CBFA2T2: variants seen among roughly 807,000 people sequenced by gnomAD.
CBFA2T2 encodes the protein protein CBFA2T2.
Under a neutral mutation model 62.2 loss-of-function variants are expected in CBFA2T2, and 11 were observed. That is an observed-to-expected ratio of 0.18 (90% confidence interval 0.11 to 0.29). CBFA2T2 has a LOEUF of 0.29. Among genes scored for constraint, CBFA2T2 ranks in the 10% least tolerant of loss-of-function variants. CBFA2T2 has a pLI of 1.00. For synonymous variants in CBFA2T2, 295 were observed against 287.5 expected, an observed-to-expected ratio of 1.03 and a Z score of -0.27; for missense variants, 592 against 774.1, an observed-to-expected ratio of 0.76 and a Z score of 2.79.
intron 1 of CBFA2T2, among the ~76,000 whole-genome samples, chr20:33,569,156 GC>G (rs891729170): frequency 3.2e-4 from 49 of 152,270 alleles, no homozygotes; most frequent in African/African-American, 1.1e-3. Flanking sequence ...GTGGCCCAGT[GC>G]CCCTAGGGTG....
At chr20:33,592,770 G>A (rs1170949802) in intron 1 of CBFA2T2, among the ~76,000 whole-genome samples, 2 of 151,884 alleles carry the variant, frequency 1.3e-5, no homozygotes, top group Admixed American at 6.6e-5. Flanking sequence ...TTATATGAAT[G>A]GGTCACTGCC....
intron 1 of CBFA2T2, among the ~76,000 whole-genome samples, chr20:33,517,450 G>GT (rs773285489): frequency 0.027 from 3,520 of 129,016 alleles, 108 homozygotes; most frequent in Middle Eastern, 0.045. Flanking sequence ...GGTTTTTTTG[G>GT]TGTTTTTTTT....
Position 33,611,136 on chromosome 20 carries a change from C to T in CBFA2T2, c.221C>T (p.Ala74Val), listed in dbSNP as rs1472300620. Residue 74 changes from alanine to valine, a missense_variant, in exon 3 of 11, where the codon GCC (alanine) becomes GTC (valine). By Grantham distance (64) the Ala-to-Val change is moderately conservative. Coordinates refer to ENST00000342704, the MANE Select transcript of CBFA2T2 (RefSeq NM_001032999.3). ...INHSPPTLNG[A>V]PSPPQRFSNG... Reference sequence around the variant, plus strand: ...CATTCTCCTCCTACCCTGAATGGTGCCCCATCACCGCCACAGAGATTCAGC... The same window carrying T: ...CATTCTCCTCCTACCCTGAATGGTGTCCCATCACCGCCACAGAGATTCAGC... 3 of 1,614,100 alleles carry T rather than the reference C, an allele frequency of 1.9e-6. No homozygotes were observed. Among genetic ancestry groups the T allele is most frequent in the Non-Finnish European group, 2.5e-6 (3 of 1,179,932 alleles).
At chr20:33,497,345 T>A (rs554324646) in intron 1 of CBFA2T2, among the ~76,000 whole-genome samples, 1 of 149,346 alleles carries the variant, frequency 6.7e-6, no homozygotes, top group Non-Finnish European at 1.5e-5. Flanking sequence ...GTTTGGAAAG[T>A]TTTTGTTCCC....
chr20:33,541,960 C>T (rs565621698), intron 1 of CBFA2T2, among the ~76,000 whole-genome samples: 23 of 152,088 alleles, frequency 1.5e-4, no homozygotes, highest in Non-Finnish European at 2.8e-4. Flanking sequence ...CTCACTGCAG[C>T]CTCCATCTCC....
intron 3 of CBFA2T2, among the ~76,000 whole-genome samples, chr20:33,615,557 G>T (rs78824607): frequency 5.9e-5 from 9 of 152,072 alleles, no homozygotes; most frequent in Non-Finnish European, 1.2e-4. Context: ...CAGAGGCAAG[G>T]TAGAAAGACA....
chr20:33,599,184 C>T (rs1023599417), intron 1 of CBFA2T2, among the ~76,000 whole-genome samples: 1 of 152,098 alleles, frequency 6.6e-6, no homozygotes, highest in African/African-American at 2.4e-5. Context: ...ATTGCTTGAA[C>T]CCAGGAGGCG....
At chr20:33,507,001 A>G (rs1296376463) in intron 1 of CBFA2T2, among the ~76,000 whole-genome samples, 1 of 152,120 alleles carries the variant, frequency 6.6e-6, no homozygotes, top group Non-Finnish European at 1.5e-5. Context: ...TTTTTTGTAA[A>G]TTATTTTAGC....
Position 33,586,205 on chromosome 20 carries a change from G to A in CBFA2T2, c.35-20751G>A, listed in dbSNP as rs143083874. ...TGTTTGTTTTGTTTTTTGAGACGGA[G>A]TCTTCCTCTGTCACCCAGGCTGGAG... On this transcript the variant is annotated intron_variant, in intron 1 of 10. Coordinates refer to ENST00000342704, the MANE Select transcript of CBFA2T2 (RefSeq NM_001032999.3). Among the ~76,000 whole-genome samples, 764 of 152,228 alleles carry A rather than the reference G, an allele frequency of 5.0e-3. 6 individuals are homozygous for A. Among genetic ancestry groups the A allele is most frequent in the African/African-American group, 0.017 (721 of 41,528 alleles).
At chr20:33,568,803 T>C (rs2013440623) in intron 1 of CBFA2T2, among the ~76,000 whole-genome samples, 1 of 152,148 alleles carries the variant, frequency 6.6e-6, no homozygotes, top group Non-Finnish European at 1.5e-5. Context: ...GTAGTAGCCA[T>C]TTATTGATTT....
At chr20:33,634,872 T>C (rs565959095) in intron 8 of CBFA2T2, among the ~76,000 whole-genome samples, 1 of 152,204 alleles carries the variant, frequency 6.6e-6, no homozygotes, top group South Asian at 2.1e-4. Flanking sequence ...GCCTCTAATA[T>C]TGGAGACTGA....
chr20:33,623,345 C>T (rs1243519421), intron 5 of CBFA2T2, 49 bp downstream of exon 5: 3 of 1,591,222 alleles, frequency 1.9e-6, no homozygotes, highest in South Asian at 1.1e-5. Context: ...CCGCACTGGT[C>T]CTCCCCTTTG....
chr20:33,498,093 A>G (rs1600898051), intron 1 of CBFA2T2, among the ~76,000 whole-genome samples: 1 of 151,986 alleles, frequency 6.6e-6, no homozygotes, highest in East Asian at 1.9e-4. Flanking sequence ...AGGTTATGAG[A>G]CCAACTTTTG....
intron 1 of CBFA2T2, among the ~76,000 whole-genome samples, chr20:33,575,944 A>T (rs1000041946): frequency 1.9e-4 from 28 of 144,492 alleles, no homozygotes; most frequent in African/African-American, 6.8e-4. Context: ...CGCCTGGCTA[A>T]TTTTTTTTTT....
rs2011136116 is a variant in CBFA2T2 at position 33,490,237 on chromosome 20, G to C, written c.-31G>C. On this transcript the variant is annotated 5_prime_UTR_variant, in exon 1 of 11. Coordinates refer to ENST00000342704, the MANE Select transcript of CBFA2T2 (RefSeq NM_001032999.3). ...GCGAGGGACCCGTGTCGCGGGTAGA[G>C]GCGGGCGGCGCGCGGCGGCGGCGCT... The C allele has an allele frequency of 1.6e-6, 2 of 1,225,646 alleles. No homozygotes were observed. The highest frequency in any genetic ancestry group is 3.4e-5 in the African/African-American group (2 of 59,524). 75.9% of individuals were successfully genotyped at this position (1,225,646 alleles called of 1,614,324 possible).
intron 1 of CBFA2T2, among the ~76,000 whole-genome samples, chr20:33,551,585 C>CT (rs1387941846): frequency 1.3e-5 from 2 of 152,164 alleles, no homozygotes; most frequent in East Asian, 3.9e-4. Flanking sequence ...GTCTGGAGTG[C>CT]AGTGGTGTGA....
intron 1 of CBFA2T2, among the ~76,000 whole-genome samples, chr20:33,577,521 G>A (rs1046685250): frequency 3.3e-5 from 5 of 152,160 alleles, no homozygotes; most frequent in African/African-American, 9.7e-5. Flanking sequence ...TGTCCAGGGT[G>A]TGCTTCAGCT....
At chr20:33,563,495 A>G (rs1862262572) in intron 1 of CBFA2T2, among the ~76,000 whole-genome samples, 1 of 152,132 alleles carries the variant, frequency 6.6e-6, no homozygotes, top group South Asian at 2.1e-4. Context: ...GGCATGAGCC[A>G]CTGCACCTGG....
intron 1 of CBFA2T2, among the ~76,000 whole-genome samples, chr20:33,512,146 C>T (rs1054802695): frequency 6.6e-6 from 1 of 152,168 alleles, no homozygotes; most frequent in Non-Finnish European, 1.5e-5. Context: ...CCACTGCACT[C>T]CAGGCCAGCG....
Sources: gnomAD v4.1 joint callset for allele counts (sites outside exome capture counted in the v4.1 genomes callset) on GRCh38, gnomAD v4.1.1 for gene constraint, MANE v1.5 for transcripts, NCBI Gene and HGNC (gene_info 2026-07-23, HGNC 2026-07-21) for gene names.